Variants in KIF15 observed in about 807,000 individuals in gnomAD.
KIF15 encodes the protein kinesin family member 15, also known as kinesin-like protein KIF15.
KIF15 carries 140 observed loss-of-function variants against 190.6 expected under a neutral mutation model. The observed-to-expected ratio is 0.73, with a 90% CI of 0.64 to 0.84. The LOEUF (loss-of-function observed/expected upper bound fraction) is 0.84, where lower values mean the gene tolerates loss of function less well. Ranked by LOEUF, KIF15 falls within the 40% of genes least tolerant of loss-of-function variation. The pLI, the probability that KIF15 is intolerant of heterozygous loss-of-function variation, is 0.00. For synonymous variants in KIF15, 528 were observed against 551.3 expected, an observed-to-expected ratio of 0.96 and a Z score of 0.59; for missense variants, 1,372 against 1,584.4, an observed-to-expected ratio of 0.87 and a Z score of 2.28.
intron 20 of KIF15, among the ~76,000 whole-genome samples, chr3:44,817,231 G>A (rs1464506677): frequency 6.6e-6 from 1 of 152,076 alleles, no homozygotes; most frequent in African/African-American, 2.4e-5. Flanking sequence ...CTGTGCAGAG[G>A]CTCTTTAGTT....
At chr3:44,800,463 C>T in intron 11 of KIF15, 26 bp downstream of exon 11, 1 of 1,608,724 alleles carries the variant, frequency 6.2e-7, no homozygotes, top group Non-Finnish European at 8.5e-7. Context: ...AGTCCTTTAT[C>T]TTGGGGAAGA....
chr3:44,827,340 C>G (rs1045210117), intron 22 of KIF15, 119 bp from the exon 23 acceptor site: 4 of 686,146 alleles, frequency 5.8e-6, no homozygotes, highest in Non-Finnish European at 7.6e-6. Flanking sequence ...AAGGTAATGC[C>G]TGACACCAAG....
intron 7 of KIF15, among the ~76,000 whole-genome samples, chr3:44,787,453 A>G (rs1003354608): frequency 6.6e-6 from 1 of 152,124 alleles, no homozygotes; most frequent in Non-Finnish European, 1.5e-5. Context: ...GCTGTATGAT[A>G]TTTTATAATT....
rs192338662 is a variant in KIF15 at position 44,799,365 on chromosome 3, T to A, written c.1099-949T>A. On this transcript the variant is annotated intron_variant, in intron 10 of 34. Coordinates refer to ENST00000326047, the MANE Select transcript of KIF15 (RefSeq NM_020242.3). The stretch of plus-strand genomic sequence containing the variant: ...TTGTTTAAGGATGTGCTATTTAAAT[T>A]TTTCCGTGAGCAAATTGGGCTTACA... 2.0e-3 allele frequency: 897 copies of A among 455,900 alleles called. 2 individuals carry two copies. The highest frequency in any genetic ancestry group is 3.3e-3 in the Non-Finnish European group (749 of 226,814). The allele number at this position is 455,900 out of a possible 1,614,324, so 28.2% of individuals were successfully genotyped here.
chr3:44,821,582 C>T (rs1400545467), intron 20 of KIF15, among the ~76,000 whole-genome samples: 5 of 151,612 alleles, frequency 3.3e-5, no homozygotes, highest in East Asian at 3.9e-4. Context: ...CGGGAAGAGG[C>T]GCTCCTCACT....
chr3:44,778,766 T>C (rs1299157777), intron 4 of KIF15, among the ~76,000 whole-genome samples: 1 of 150,820 alleles, frequency 6.6e-6, no homozygotes, highest in East Asian at 1.9e-4. Context: ...GTCACTGGAG[T>C]TCAGGAGTTC....
chr3:44,837,127 A>G (rs760418772), intron 26 of KIF15, among the ~76,000 whole-genome samples: 32 of 152,246 alleles, frequency 2.1e-4, no homozygotes, highest in Non-Finnish European at 3.8e-4. Flanking sequence ...AAAAGAAACC[A>G]TAAACATCAG....
rs1707286981 is a variant in KIF15, at chr3:44,801,754, A to G, written c.1300-11A>G. The stretch of plus-strand genomic sequence containing the variant: ...TTTTTCATGTTTAACCAAATTATGA[A>G]TTTCTTTAAGTCTCTGATAGAAAAA... On this transcript the variant is annotated splice_polypyrimidine_tract_variant and intron_variant, in intron 12 of 34. Transcript: ENST00000326047. 6.7e-7 allele frequency: 1 copy of G among 1,488,340 alleles called. No homozygotes were observed. The highest frequency in any genetic ancestry group is 1.4e-5 in the African/African-American group (1 of 71,094). 92.2% of individuals were successfully genotyped at this position (1,488,340 alleles called of 1,614,324 possible).
intron 2 of KIF15, among the ~76,000 whole-genome samples, 184 bp from the exon 3 acceptor site, chr3:44,775,070 A>C (rs1705809903): frequency 6.6e-6 from 1 of 152,068 alleles, no homozygotes; most frequent in Non-Finnish European, 1.5e-5. Context: ...ATTGCACTCC[A>C]GCCTGGGCAA....
intron 17 of KIF15, among the ~76,000 whole-genome samples, chr3:44,811,623 C>T (rs1312557565): frequency 6.6e-6 from 1 of 151,708 alleles, no homozygotes; most frequent in East Asian, 1.9e-4. Context: ...CTAGCCTGGG[C>T]AACAAGAGTG....
At chr3:44,767,146 G>A (rs1705429664) in intron 1 of KIF15, among the ~76,000 whole-genome samples, 1 of 152,070 alleles carries the variant, frequency 6.6e-6, no homozygotes, top group Non-Finnish European at 1.5e-5. Flanking sequence ...TTTCACTGGG[G>A]AGTGGGTCAG....
chr3:44,847,766 AC>A (rs2125727252), intron 30 of KIF15, among the ~76,000 whole-genome samples: 1 of 152,276 alleles, frequency 6.6e-6, no homozygotes, highest in Non-Finnish European at 1.5e-5. Context: ...TTGCTTTTGT[AC>A]TGGGAGGAAT....
chr3:44,801,450 A>G lies in KIF15; in HGVS notation c.1223A>G (p.Asp408Gly). 6.5e-7 allele frequency: 1 copy of G among 1,538,186 alleles called. No individual in the cohort carries two copies. Among genetic ancestry groups the G allele is most frequent in the South Asian group, 1.1e-5 (1 of 87,082 alleles). The change falls in exon 12 of 35, where the codon GAC becomes GGC. Residue 408 changes from aspartate (D) to glycine (G), a missense_variant and splice_region_variant. Transcript: ENST00000326047. The part of the protein sequence containing the change: ...QTPPESFLTR[D>G]KKKTNYMEYF... ...CCCTTTCTTATTGGATCAATTACAG[A>G]CAAAAAGAAGACTAACTATATGGAG... is the stretch of plus-strand genomic sequence containing the variant.
intron 6 of KIF15, chr3:44,862,092 C>T: frequency 7.7e-7 from 1 of 1,294,494 alleles, no homozygotes; most frequent in Middle Eastern, 2.6e-4. Flanking sequence ...CCGCCGCCTC[C>T]GCCAAGCTGG....
chr3:44,819,547 G>A (rs1257058886), intron 20 of KIF15, among the ~76,000 whole-genome samples: 2 of 152,182 alleles, frequency 1.3e-5, no homozygotes, highest in Non-Finnish European at 2.9e-5. Flanking sequence ...CCATGTAGTG[G>A]TGCAGTTTTG....
At position 44,794,231 on chromosome 3, in the gene KIF15, A is replaced by G; in HGVS notation, c.654A>G (p.Gly218=). 2.5e-6 allele frequency: 4 copies of G among 1,613,376 alleles called. No individual in the cohort carries two copies. Among genetic ancestry groups the G allele is most frequent in the Non-Finnish European group, 3.4e-6 (4 of 1,179,622 alleles). Residue 218 remains glycine (G), a synonymous_variant, in exon 8 of 35, where the codon GGA becomes GGG. Coordinates refer to ENST00000326047, the MANE Select transcript of KIF15 (RefSeq NM_020242.3). ...CTTTTGCATAGGTGTTGTCTGGAGGATGGAGGAATAGACGTGTGGCATCAA... is the reference window on the plus strand; with the variant it reads ...CTTTTGCATAGGTGTTGTCTGGAGGGTGGAGGAATAGACGTGTGGCATCAA... ...AAEAYQVLSG[G]WRNRRVASTS...
At chr3:44,845,229 T>C (rs947175611) in intron 30 of KIF15, among the ~76,000 whole-genome samples, 3 of 152,080 alleles carry the variant, frequency 2.0e-5, no homozygotes, top group African/African-American at 7.2e-5. Flanking sequence ...GCCAGAGAGG[T>C]CAGAGTGGTT....
Position 44,851,948 on chromosome 3 carries a change from C to CTTTCTCT in KIF15, c.3968_3969insTTTCTCT (p.Gln1324PhefsTer17). On this transcript the variant is annotated frameshift_variant, in exon 33 of 35. Transcript: ENST00000326047. LOFTEE classifies it high-confidence loss of function. ...ATGTATGAAGAAAGAGAGAGAACAT[C>CTTTCTCT]CCAGGTGTGCTAGTGTGTTGGTGTT... 2.5e-6 allele frequency: 4 copies of CTTTCTCT among 1,612,394 alleles called. No homozygotes were observed. Among genetic ancestry groups the CTTTCTCT allele is most frequent in the Non-Finnish European group, 3.4e-6 (4 of 1,179,230 alleles).
intron 16 of KIF15, 31 bp downstream of exon 16, chr3:44,806,017 A>G (rs1484836073): frequency 6.2e-7 from 1 of 1,603,770 alleles, no homozygotes; most frequent in East Asian, 2.2e-5. Flanking sequence ...CTCCACCTTA[A>G]ATCAGTGCAA....
Sources: gnomAD v4.1 joint callset for allele counts (sites outside exome capture counted in the v4.1 genomes callset) on GRCh38, gnomAD v4.1.1 for gene constraint, MANE v1.5 for transcripts, NCBI Gene and HGNC (gene_info 2026-07-23, HGNC 2026-07-21) for gene names.